Variants in COL23A1 observed in about 807,000 individuals in gnomAD.
COL23A1 encodes collagen type XXIII alpha 1 chain.
A neutral mutation model predicts 99.3 loss-of-function variants in COL23A1; 97 were observed. That is an observed-to-expected ratio of 0.98 (90% CI 0.83 to 1.16). The LOEUF is 1.16. COL23A1 is among the 50% of genes most tolerant of loss of function. The pLI, the probability that COL23A1 is intolerant of heterozygous loss-of-function variation, is 0.00. For synonymous variants in COL23A1, 320 were observed against 308.2 expected (o/e 1.04, Z -0.40); for missense variants, 762 against 757.4 (o/e 1.01, Z -0.07).
intron 11 of COL23A1, among the ~76,000 whole-genome samples, chr5:178,260,158 G>A (rs180819093): frequency 4.6e-5 from 7 of 152,348 alleles, no homozygotes; most frequent in African/African-American, 1.7e-4. Flanking sequence ...ATCTGCAGAG[G>A]CTGGACAAGC....
intron 2 of COL23A1, among the ~76,000 whole-genome samples, chr5:178,552,425 T>A (rs956859521): frequency 6.6e-6 from 1 of 152,020 alleles, no homozygotes; most frequent in Non-Finnish European, 1.5e-5. Context: ...CTTGGCAGAG[T>A]CTGACATACC....
chr5:178,396,918 T>A (rs1156690050), intron 2 of COL23A1, among the ~76,000 whole-genome samples: 2 of 152,210 alleles, frequency 1.3e-5, no homozygotes, highest in African/African-American at 2.4e-5. Flanking sequence ...GCAGAACAGC[T>A]GAGCATCTGG....
intron 2 of COL23A1, among the ~76,000 whole-genome samples, chr5:178,358,256 A>ATGTATATGTG (rs1392442342): frequency 1.1e-4 from 11 of 95,748 alleles, no homozygotes; most frequent in African/African-American, 4.9e-4. Context: ...ATGTGTGTGT[A>ATGTATATGTG]TGTATATGTG....
chr5:178,368,494 A>T (rs2973711), intron 2 of COL23A1, among the ~76,000 whole-genome samples: 1 of 152,166 alleles, frequency 6.6e-6, no homozygotes, highest in African/African-American at 2.4e-5. Flanking sequence ...GGTAGCATAC[A>T]TCCTGTGGGT....
chr5:178,586,871 A>G (rs955077192), intron 1 of COL23A1, among the ~76,000 whole-genome samples: 1 of 152,222 alleles, frequency 6.6e-6, no homozygotes, highest in Non-Finnish European at 1.5e-5. Context: ...CTGGGTTGAC[A>G]GTATTTAACC....
intron 2 of COL23A1, among the ~76,000 whole-genome samples, chr5:178,556,935 A>G (rs1211020552): frequency 1.3e-5 from 2 of 152,234 alleles, no homozygotes; most frequent in Non-Finnish European, 2.9e-5. Flanking sequence ...CCTGGGCAAC[A>G]AGAGTGAAAC....
intron 2 of COL23A1, among the ~76,000 whole-genome samples, chr5:178,400,934 G>A (rs1480411850): frequency 1.3e-5 from 2 of 152,144 alleles, no homozygotes; most frequent in Non-Finnish European, 2.9e-5. Context: ...CACCGTGCCC[G>A]GCTATCTCCA....
chr5:178,350,580 C>T (rs1025306775), intron 2 of COL23A1, among the ~76,000 whole-genome samples: 5 of 152,172 alleles, frequency 3.3e-5, no homozygotes, highest in African/African-American at 1.2e-4. Context: ...GGATTCCTCA[C>T]CAGATAATTA....
At chr5:178,404,427 T>A (rs1236201965) in intron 2 of COL23A1, among the ~76,000 whole-genome samples, 1 of 152,114 alleles carries the variant, frequency 6.6e-6, no homozygotes, top group African/African-American at 2.4e-5. Flanking sequence ...AGGAGGAGAT[T>A]CTTGAGCTGT....
chr5:178,509,247 A>T (rs1405016107), intron 2 of COL23A1, among the ~76,000 whole-genome samples: 4 of 150,056 alleles, frequency 2.7e-5, no homozygotes, highest in African/African-American at 9.8e-5. Flanking sequence ...CTCGAGACAG[A>T]GTCTCACTCT....
At chr5:178,413,901 G>A (rs1032822072) in intron 2 of COL23A1, among the ~76,000 whole-genome samples, 3 of 152,210 alleles carry the variant, frequency 2.0e-5, no homozygotes, top group Non-Finnish European at 4.4e-5. Flanking sequence ...TCTATCCAAT[G>A]TCTGTTTCCA....
intron 2 of COL23A1, among the ~76,000 whole-genome samples, chr5:178,481,689 T>C (rs73338678): frequency 0.023 from 3,443 of 152,162 alleles, 158 homozygotes; most frequent in African/African-American, 0.079. Context: ...TCATACCCAT[T>C]AGTATAGCTA....
intron 2 of COL23A1, among the ~76,000 whole-genome samples, chr5:178,379,735 G>C (rs571292227): frequency 1.3e-4 from 20 of 152,146 alleles, no homozygotes; most frequent in African/African-American, 4.6e-4. Context: ...TACAAAATGA[G>C]CTGGGCCTAG....
intron 3 of COL23A1, among the ~76,000 whole-genome samples, chr5:178,299,890 A>C (rs1221202367): frequency 6.6e-6 from 1 of 151,300 alleles, no homozygotes; most frequent in Non-Finnish European, 1.5e-5. Context: ...AGTAGCTGGG[A>C]TTACAGGCGC....
chr5:178,250,692 A>G (rs1469937081), intron 17 of COL23A1, among the ~76,000 whole-genome samples: 4 of 152,214 alleles, frequency 2.6e-5, no homozygotes, highest in East Asian at 1.9e-4. Flanking sequence ...ATTAAAAAGA[A>G]TATGTTTTGG....
chr5:178,495,717 A>G, intron 2 of COL23A1, among the ~76,000 whole-genome samples: 1 of 152,138 alleles, frequency 6.6e-6, no homozygotes, highest in Non-Finnish European at 1.5e-5. Flanking sequence ...AGCAAGCTGC[A>G]ATATGAAAAT....
At chr5:178,262,165 T>C in intron 10 of COL23A1, 52 bp downstream of exon 10, 1 of 1,552,090 alleles carries the variant, frequency 6.4e-7, no homozygotes, top group Non-Finnish European at 8.7e-7. Context: ...CTTCCAGGTC[T>C]GGGAACCATG....
chr5:178,390,896 G>A (rs187328298), intron 2 of COL23A1, among the ~76,000 whole-genome samples: 21 of 152,338 alleles, frequency 1.4e-4, no homozygotes, highest in Admixed American at 4.6e-4. Flanking sequence ...ATATGACACC[G>A]AAAGCATAAG....
intron 2 of COL23A1, among the ~76,000 whole-genome samples, chr5:178,343,904 G>T (rs1426529743): frequency 2.0e-5 from 3 of 152,090 alleles, no homozygotes; most frequent in East Asian, 3.9e-4. Context: ...CTCGTGATCT[G>T]CCCACCTTGG....
Sources: allele counts gnomAD v4.1 joint callset (sites outside exome capture counted in the v4.1 genomes callset), GRCh38; gene constraint gnomAD v4.1.1; transcripts MANE v1.5; gene names NCBI Gene and HGNC (gene_info 2026-07-23, HGNC 2026-07-21).